The following WSB2 variants were observed in gnomAD, a reference collection of about 807,000 sequenced individuals.
WSB2 encodes WD repeat and SOCS box-containing protein 2.
Under a neutral mutation model 48.8 loss-of-function variants are expected in WSB2, and 12 were observed. The observed-to-expected ratio is 0.25, with a 90% CI of 0.16 to 0.40. WSB2 has a LOEUF of 0.40. Among genes scored for constraint, WSB2 ranks in the 10% least tolerant of loss-of-function variants. The pLI is 1.00. For missense variants in WSB2, 317 were observed against 506.2 expected, an observed-to-expected ratio of 0.63 and a Z score of 3.59; for synonymous variants, 191 against 203.1, an observed-to-expected ratio of 0.94 and a Z score of 0.51.
intron 5 of WSB2, chr12:118,037,942 T>G: frequency 5.3e-6 from 1 of 188,102 alleles, no homozygotes; most frequent in Admixed American, 5.7e-5. Context: ...ATTAGAGGGA[T>G]TCAAATTTGA....
chr12:118,039,010 C>G (rs1325569196), intron 4 of WSB2, among the ~76,000 whole-genome samples: 4 of 152,114 alleles, frequency 2.6e-5, no homozygotes, highest in Admixed American at 2.6e-4. Flanking sequence ...AGAGAATGTT[C>G]TTTTTAGGCT....
At position 118,043,349 on chromosome 12, in the gene WSB2, G is replaced by C; in HGVS notation, c.211C>G (p.Arg71Gly). ...CCTTTCGTCTCATTTTTGCTACTTC[G>C]GCTTTTGGCTTCAAACCCTTTAGGG... ...FIPKGFEAKS[R>G]SSKNETKGRG... The change falls in exon 3 of 9, where the codon CGA becomes GGA. Residue 71 changes from arginine to glycine, a missense_variant. Around this residue, in one of 2 missense-constraint regions of WSB2, gnomAD observed 128 missense variants for 156.7 expected, o/e 0.82. Transcript: ENST00000315436. 4.4e-6 allele frequency: 7 copies of C among 1,581,184 alleles called. No homozygotes were observed. The highest frequency in any genetic ancestry group is 6.0e-6 in the Non-Finnish European group (7 of 1,164,622).
At chr12:118,047,960 A>C (rs549357060) in intron 2 of WSB2, among the ~76,000 whole-genome samples, 2 of 152,134 alleles carry the variant, frequency 1.3e-5, no homozygotes, top group Admixed American at 6.5e-5. Context: ...ACAGTGTCTT[A>C]CTGTTGCCCA....
intron 2 of WSB2, among the ~76,000 whole-genome samples, chr12:118,043,976 G>A (rs947375015): frequency 5.3e-5 from 8 of 151,814 alleles, no homozygotes; most frequent in East Asian, 3.9e-4. Context: ...ACAATTCGCC[G>A]GGCGTAGTGG....
chr12:118,058,506 G>A (rs1056228822), intron 1 of WSB2, among the ~76,000 whole-genome samples: 1 of 151,746 alleles, frequency 6.6e-6, no homozygotes, highest in African/African-American at 2.4e-5. Flanking sequence ...ATTCTACCAT[G>A]CACGCGCCTA....
intron 2 of WSB2, 109 bp downstream of exon 2, chr12:118,052,201 T>G (rs1942746297): frequency 7.0e-7 from 1 of 1,431,270 alleles, no homozygotes; most frequent in Non-Finnish European, 9.4e-7. Flanking sequence ...GATCAATTCC[T>G]GAACCATGAG....
rs750940948 is a variant in WSB2 at position 118,042,822 on chromosome 12, G to C, written c.559+19C>G. The C allele has an allele frequency of 3.1e-6, 5 of 1,610,736 alleles. No homozygotes were observed. The African/African-American group carries it at 6.7e-5, about 22-fold the overall frequency. ...ACAGTATTTTTGGAGTTGCCGAGTAGTTCCTTCACTTCCCATACCGTGTTT... is the reference window on the plus strand; with the variant it reads ...ACAGTATTTTTGGAGTTGCCGAGTACTTCCTTCACTTCCCATACCGTGTTT... On this transcript the variant is annotated intron_variant, in intron 4 of 8. Transcript: ENST00000315436.
In WSB2 at chr12:118,041,732, C is replaced by G. The variant is rs556933225; in HGVS notation, c.559+1109G>C. Among the ~76,000 whole-genome samples the G allele has an allele frequency of 1.3e-4, 20 of 151,038 alleles. No homozygotes were observed. The East Asian group carries it at 3.7e-3, about 28-fold the overall frequency. On this transcript the variant is annotated intron_variant, in intron 4 of 8. Coordinates refer to ENST00000315436, the MANE Select transcript of WSB2 (RefSeq NM_018639.5). Reference sequence around the variant, plus strand: ...TTGAAAGATGGCATTGCAATAAATTCCCCTCTCTTATGTCACTTTTTTTTT... The same window carrying G: ...TTGAAAGATGGCATTGCAATAAATTGCCCTCTCTTATGTCACTTTTTTTTT...
At chr12:118,040,487 G>C (rs11068782) in intron 4 of WSB2, among the ~76,000 whole-genome samples, 1 of 152,002 alleles carries the variant, frequency 6.6e-6, no homozygotes, top group Non-Finnish European at 1.5e-5. Context: ...CCAGCCGAGC[G>C]TGGTACCTCA....
rs574392133 is a variant in WSB2 at position 118,033,473 on chromosome 12, C to T, written c.*723G>A. On this transcript the variant is annotated 3_prime_UTR_variant, in exon 9 of 9. Transcript: ENST00000315436. ...ATAACTCAGTAGCCATCTGAATAGT[C>T]ATGCGGTTTAAGAATACATCCTTGT... The T allele has an allele frequency of 2.0e-5, 3 of 151,434 alleles. No homozygotes were observed. The East Asian group carries it at 5.8e-4, about 29-fold the overall frequency. The allele number at this position is 151,434 out of a possible 1,614,324, so 9.4% of individuals were successfully genotyped here.
At position 118,052,289 on chromosome 12, in the gene WSB2, C is replaced by A. The variant is rs201738429; in HGVS notation, c.182+21G>T. 214 of 1,607,426 alleles carry A rather than the reference C, an allele frequency of 1.3e-4. 1 individual carries two copies. The highest frequency in any genetic ancestry group is 3.1e-5 in the Non-Finnish European group (36 of 1,174,560). On this transcript the variant is annotated intron_variant, in intron 2 of 8. Coordinates refer to ENST00000315436, the MANE Select transcript of WSB2 (RefSeq NM_018639.5). ...GTGTTTGGAAATGCGCCGGATGGGG[C>A]CCCAGTACGAGAATACTTACAACTG... is the stretch of plus-strand genomic sequence containing the variant.
At chr12:118,042,012 T>C (rs1490404136) in intron 4 of WSB2, among the ~76,000 whole-genome samples, 1 of 152,132 alleles carries the variant, frequency 6.6e-6, no homozygotes, top group Non-Finnish European at 1.5e-5. Context: ...CGCCTCAGCC[T>C]CCCAAAGTAC....
At position 118,034,086 on chromosome 12, in the gene WSB2, C is replaced by T; in HGVS notation, c.*110G>A. The T allele has an allele frequency of 7.0e-7, 1 of 1,434,242 alleles. No individual in the cohort carries two copies. The highest frequency in any genetic ancestry group is 9.6e-7 in the Non-Finnish European group (1 of 1,037,042). The allele number at this position is 1,434,242 out of a possible 1,614,324, so 88.8% of individuals were successfully genotyped here. Reference sequence around the variant, plus strand: ...TTTTGCTACATTCTATTCACAATCCCAAAGAAATGCTATTTCAATGCAAGA... The same window carrying T: ...TTTTGCTACATTCTATTCACAATCCTAAAGAAATGCTATTTCAATGCAAGA... On this transcript the variant is annotated 3_prime_UTR_variant, in exon 9 of 9. Transcript: ENST00000315436.
intron 4 of WSB2, among the ~76,000 whole-genome samples, chr12:118,040,273 T>G (rs10850952): frequency 0.3 from 45,237 of 151,908 alleles, 7,412 homozygotes; most frequent in East Asian, 0.55. Context: ...GCAGCGCCTG[T>G]CAGCTGGGAA....
chr12:118,043,448 C>T (rs1029013280), intron 2 of WSB2, 71 bp from the exon 3 acceptor site: 24 of 1,506,070 alleles, frequency 1.6e-5, no homozygotes, highest in East Asian at 6.8e-5. Context: ...TCCTGGGACA[C>T]GTAAGACTTT....
At chr12:118,054,267 T>C (rs2031911403) in intron 1 of WSB2, among the ~76,000 whole-genome samples, 1 of 149,012 alleles carries the variant, frequency 6.7e-6, no homozygotes, top group Admixed American at 6.7e-5. Flanking sequence ...GGCGGGCACC[T>C]GCAGTCCCAG....
chr12:118,044,115 A>G (rs12310685), intron 2 of WSB2, among the ~76,000 whole-genome samples: 48,138 of 151,422 alleles, frequency 0.32, 8,525 homozygotes, highest in East Asian at 0.54. Context: ...GCAAAACTCT[A>G]TCTCAAAAAA....
In WSB2 at chr12:118,060,966, C is replaced by CA; in HGVS notation, c.13+69_13+70insT. The stretch of plus-strand genomic sequence containing the variant: ...CCCGCCCAGCCCGCCCCGGGGTCGC[C>CA]TCCCCCCTCCCCGGGGAGAACGGGC... On this transcript the variant is annotated intron_variant, in intron 1 of 8. Coordinates refer to ENST00000315436, the MANE Select transcript of WSB2 (RefSeq NM_018639.5). The surrounding 1 kb of genome is among the most constrained non-coding windows in gnomAD (Gnocchi z 4.1). 1 of 788,764 alleles carries CA rather than the reference C, an allele frequency of 1.3e-6. No homozygotes were observed. Among genetic ancestry groups the CA allele is most frequent in the Non-Finnish European group, 1.5e-6 (1 of 649,578 alleles). 48.9% of individuals were successfully genotyped at this position (788,764 alleles called of 1,614,324 possible).
At chr12:118,043,938 G>A (rs1376373558) in intron 2 of WSB2, among the ~76,000 whole-genome samples, 1 of 151,786 alleles carries the variant, frequency 6.6e-6, no homozygotes, top group Admixed American at 6.6e-5. Flanking sequence ...CCAACATGGT[G>A]AAACCCCATC....
Sources: gnomAD v4.1 joint callset for allele counts (sites outside exome capture counted in the v4.1 genomes callset) on GRCh38, gnomAD v4.1.1 for gene constraint, gnomAD v4.1.1 regional missense constraint, Gnocchi (gnomAD v3.1) non-coding constraint, MANE v1.5 for transcripts, NCBI Gene and HGNC (gene_info 2026-07-23, HGNC 2026-07-21) for gene names.